The following TRIP4 variants were observed in gnomAD, a reference collection of about 807,000 sequenced individuals.
TRIP4 encodes activating signal cointegrator 1.
In TRIP4, 54 loss-of-function variants were observed where a neutral mutation model predicts 81.8. The observed-to-expected ratio is 0.66, with a 90% CI of 0.53 to 0.83. The LOEUF (loss-of-function observed/expected upper bound fraction) is 0.83. Among genes scored for constraint, TRIP4 ranks in the 40% least tolerant of loss-of-function variants. The probability of loss-of-function intolerance (pLI) is 0.00; values close to 1 mark genes in which losing one functional copy is unlikely to be tolerated. For missense variants in TRIP4, 662 were observed against 683.6 expected (o/e 0.97, Z 0.35); for synonymous variants, 270 against 242.8 (o/e 1.11, Z -1.04).
At chr15:64,409,546 G>C in intron 6 of TRIP4, 67 bp from the exon 7 acceptor site, 1 of 1,473,688 alleles carries the variant, frequency 6.8e-7, no homozygotes, top group Non-Finnish European at 9.4e-7. Flanking sequence ...CCTTGAAACT[G>C]TTTTCCAATA....
intron 5 of TRIP4, among the ~76,000 whole-genome samples, chr15:64,403,362 G>C (rs1891555814): frequency 1.4e-5 from 2 of 143,168 alleles, no homozygotes; most frequent in Admixed American, 7.1e-5. Context: ...TCACCATGTT[G>C]GTTGGCCATG....
chr15:64,422,579 G>C (rs1226562960), intron 9 of TRIP4, among the ~76,000 whole-genome samples: 1 of 152,168 alleles, frequency 6.6e-6, no homozygotes, highest in African/African-American at 2.4e-5. Flanking sequence ...CAAAACCTTA[G>C]ATGTCTGTTC....
intron 1 of TRIP4, among the ~76,000 whole-genome samples, chr15:64,390,775 A>G (rs1900103470): frequency 1.3e-5 from 2 of 151,756 alleles, no homozygotes; most frequent in Admixed American, 1.3e-4. Flanking sequence ...GGCACCTGTA[A>G]TCCCAGCTAC....
At chr15:64,409,567 A>C in intron 6 of TRIP4, 46 bp from the exon 7 acceptor site, 1 of 1,569,744 alleles carries the variant, frequency 6.4e-7, no homozygotes, top group Non-Finnish European at 8.8e-7. Flanking sequence ...ATCGGTCCTT[A>C]TTTGTCAACA....
chr15:64,400,117 A>G (rs1783351359), intron 4 of TRIP4, among the ~76,000 whole-genome samples: 1 of 151,640 alleles, frequency 6.6e-6, no homozygotes, highest in Non-Finnish European at 1.5e-5. Flanking sequence ...AAATCTGACA[A>G]GAGAAGTTAA....
At chr15:64,406,796 A>G (rs1298903423) in intron 6 of TRIP4, among the ~76,000 whole-genome samples, 8 of 152,188 alleles carry the variant, frequency 5.3e-5, no homozygotes, top group Non-Finnish European at 8.8e-5. Context: ...GTTATTTGCA[A>G]ACTGTTAGGC....
At chr15:64,389,708 CT>C (rs368526429) in intron 1 of TRIP4, among the ~76,000 whole-genome samples, 6,992 of 127,248 alleles carry the variant, frequency 0.055, 145 homozygotes, top group South Asian at 0.083. Context: ...AAAATTTTCA[CT>C]TTTTTTTTTT....
chr15:64,423,065 G>A lies in TRIP4; in HGVS notation c.1359-966G>A, dbSNP rs547935670. Among the ~76,000 whole-genome samples the A allele has an allele frequency of 2.6e-5, 4 of 152,300 alleles. No individual in the cohort carries two copies. In the South Asian group the frequency reaches 6.2e-4, roughly 24 times the overall value. On this transcript the variant is annotated intron_variant, in intron 9 of 12. Transcript: ENST00000261884. ...AACATCTTTTTGTAATCCTTGGAAA[G>A]TAGCAATTAAATTCTCCTGAATACA...
chr15:64,430,784 G>A (rs1481240322), intron 11 of TRIP4, among the ~76,000 whole-genome samples: 1 of 152,074 alleles, frequency 6.6e-6, no homozygotes, highest in African/African-American at 2.4e-5. Flanking sequence ...TGATCTTACA[G>A]CTTTTACAAT....
intron 3 of TRIP4, among the ~76,000 whole-genome samples, chr15:64,397,355 C>A (rs1026624123): frequency 6.6e-6 from 1 of 152,204 alleles, no homozygotes; most frequent in African/African-American, 2.4e-5. Context: ...CATTTACCCT[C>A]CACTAGCTAT....
chr15:64,408,974 G>T (rs1891697774), intron 6 of TRIP4, among the ~76,000 whole-genome samples: 1 of 152,040 alleles, frequency 6.6e-6, no homozygotes, highest in African/African-American at 2.4e-5. Flanking sequence ...TAGCACTTTG[G>T]GAGGCCAAGG....
intron 12 of TRIP4, among the ~76,000 whole-genome samples, chr15:64,454,566 G>C (rs1892843793): frequency 6.6e-6 from 1 of 152,076 alleles, no homozygotes. Flanking sequence ...GCAGCAAAGG[G>C]GTGTTGAACT....
chr15:64,429,763 G>C (rs1361548350), intron 11 of TRIP4, among the ~76,000 whole-genome samples: 1 of 152,188 alleles, frequency 6.6e-6, no homozygotes, highest in Non-Finnish European at 1.5e-5. Flanking sequence ...CTAGGAAGTA[G>C]TTTCCTAACT....
At chr15:64,423,987 A>C in intron 9 of TRIP4, 44 bp from the exon 10 acceptor site, 1 of 1,610,368 alleles carries the variant, frequency 6.2e-7, no homozygotes, top group Non-Finnish European at 8.5e-7. Flanking sequence ...TATTCCAGGA[A>C]ACTAGAATTT....
chr15:64,415,183 GGCATGT>G (rs1488537600), intron 8 of TRIP4, among the ~76,000 whole-genome samples: 1 of 152,062 alleles, frequency 6.6e-6, no homozygotes, highest in African/African-American at 2.4e-5. Flanking sequence ...TAGGAACAAA[GGCATGT>G]GTACACAAAA....
chr15:64,389,176 C>T (rs546814337), intron 1 of TRIP4, among the ~76,000 whole-genome samples: 109 of 152,270 alleles, frequency 7.2e-4, no homozygotes, highest in Non-Finnish European at 4.3e-4. Context: ...AAAAATGGGA[C>T]TTGATCGAAG....
chr15:64,441,154 G>A (rs1369275066), intron 11 of TRIP4, among the ~76,000 whole-genome samples: 2 of 151,870 alleles, frequency 1.3e-5, no homozygotes, highest in African/African-American at 4.8e-5. Context: ...CCGCCACCAC[G>A]CCTGGCTAAT....
At chr15:64,397,244 C>T (rs745334075) in intron 3 of TRIP4, among the ~76,000 whole-genome samples, 1 of 152,120 alleles carries the variant, frequency 6.6e-6, no homozygotes, top group Non-Finnish European at 1.5e-5. Context: ...GCCCATATTT[C>T]CAAATCTGTG....
intron 2 of TRIP4, among the ~76,000 whole-genome samples, chr15:64,395,032 G>C (rs561850153): frequency 5.7e-4 from 87 of 152,150 alleles, no homozygotes; most frequent in African/African-American, 1.9e-3. Context: ...TTTTTCTAGA[G>C]ATAGGGTCTC....
Sources: allele counts gnomAD v4.1 joint callset (sites outside exome capture counted in the v4.1 genomes callset), GRCh38; gene constraint gnomAD v4.1.1; transcripts MANE v1.5; gene names NCBI Gene and HGNC (gene_info 2026-07-23, HGNC 2026-07-21).